The following MAP2K4 variants were observed in gnomAD, a reference collection of about 807,000 sequenced individuals.
MAP2K4 encodes the protein dual specificity mitogen-activated protein kinase kinase 4.
Under a neutral mutation model 48.5 loss-of-function variants are expected in MAP2K4, and 4 were observed. That is an observed-to-expected ratio of 0.08 (90% CI 0.04 to 0.19). The LOEUF (loss-of-function observed/expected upper bound fraction) is 0.19. MAP2K4 is among the 10% of genes least tolerant of loss of function. The probability of loss-of-function intolerance (pLI) is 1.00; values close to 1 mark genes in which losing one functional copy is unlikely to be tolerated. For synonymous variants in MAP2K4, 166 were observed against 173.1 expected (o/e 0.96, Z 0.32); for missense variants, 258 against 493.3 (o/e 0.52, Z 4.52).
At chr17:12,077,523 A>G (rs977292682) in intron 2 of MAP2K4, among the ~76,000 whole-genome samples, 17 of 152,192 alleles carry the variant, frequency 1.1e-4, no homozygotes, top group Non-Finnish European at 1.2e-4. Context: ...CTTCACTGTT[A>G]TTGGAGTCAA....
At position 12,031,723 on chromosome 17, in the gene MAP2K4, T is replaced by C. The variant is rs543262891; in HGVS notation, c.115+10722T>C. Reference sequence around the variant, plus strand: ...ACACTATCTTATTTTTTCAGGCCTATTTTAGAAGAATTTCAGCCCCTCTTC... The same window carrying C: ...ACACTATCTTATTTTTTCAGGCCTACTTTAGAAGAATTTCAGCCCCTCTTC... On this transcript the variant is annotated intron_variant, in intron 1 of 10. Coordinates refer to ENST00000353533, the MANE Select transcript of MAP2K4 (RefSeq NM_003010.4). 2.8e-4 allele frequency among the ~76,000 whole-genome samples: 43 copies of C among 152,298 alleles called. 1 individual carries two copies. Among genetic ancestry groups the C allele is most frequent in the African/African-American group, 1.0e-3 (42 of 41,566 alleles).
At chr17:12,073,963 G>A (rs28918129) in intron 2 of MAP2K4, among the ~76,000 whole-genome samples, 34,240 of 151,586 alleles carry the variant, frequency 0.23, 4,039 homozygotes, top group Middle Eastern at 0.26. Context: ...TAGTAGAGAC[G>A]GGGGTTCACC....
chr17:12,067,626 G>A (rs1970659887), intron 2 of MAP2K4, among the ~76,000 whole-genome samples: 1 of 152,202 alleles, frequency 6.6e-6, no homozygotes, highest in Admixed American at 6.5e-5. Context: ...ATGGATGCCA[G>A]AAAAGGGGAA....
chr17:12,074,342 T>G (rs780044254), intron 2 of MAP2K4, among the ~76,000 whole-genome samples: 10 of 152,162 alleles, frequency 6.6e-5, no homozygotes, highest in Non-Finnish European at 1.2e-4. Context: ...GATGGCTGTT[T>G]TTGTATTTTC....
chr17:12,073,421 C>G (rs777298915), intron 2 of MAP2K4, among the ~76,000 whole-genome samples: 6 of 152,100 alleles, frequency 3.9e-5, no homozygotes, highest in Non-Finnish European at 8.8e-5. Context: ...GTCCAGAATA[C>G]AGTATTAGAG....
chr17:12,095,927 G>GTGTGTGTGTGTA (rs919908493), intron 4 of MAP2K4, among the ~76,000 whole-genome samples: 66 of 143,836 alleles, frequency 4.6e-4, no homozygotes, highest in African/African-American at 1.5e-3. Flanking sequence ...GTGTGTGTGT[G>GTGTGTGTGTGTA]TATTTTAGTA....
At chr17:12,107,081 A>G (rs1037713497) in intron 4 of MAP2K4, among the ~76,000 whole-genome samples, 2 of 152,156 alleles carry the variant, frequency 1.3e-5, no homozygotes, top group Admixed American at 1.3e-4. Context: ...ATAATGCAAG[A>G]AATGTTTGAA....
intron 1 of MAP2K4, among the ~76,000 whole-genome samples, chr17:12,045,812 G>A (rs1293918352): frequency 6.6e-6 from 1 of 152,164 alleles, no homozygotes; most frequent in African/African-American, 2.4e-5. Context: ...TGATCAATTT[G>A]GGTTTGTGTC....
intron 2 of MAP2K4, among the ~76,000 whole-genome samples, chr17:12,056,935 C>A (rs1311325615): frequency 2.0e-5 from 3 of 151,992 alleles, no homozygotes; most frequent in African/African-American, 4.8e-5. Flanking sequence ...TTTCCTTGAA[C>A]TTTAATAATT....
At chr17:12,088,548 C>CAATATATATTAAATATATA (rs1971451087) in intron 3 of MAP2K4, among the ~76,000 whole-genome samples, 1 of 130,148 alleles carries the variant, frequency 7.7e-6, no homozygotes, top group Non-Finnish European at 1.6e-5. Context: ...TAAATTATAT[C>CAATATATATTAAATATATA]TAATATATAA....
At chr17:12,021,055 C>T (rs2151501172) in intron 1 of MAP2K4, 54 bp downstream of exon 1, 1 of 1,088,688 alleles carries the variant, frequency 9.2e-7, no homozygotes, top group Non-Finnish European at 1.2e-6. Context: ...CAACCCGCGT[C>T]GTCGCGGCCT....
At position 12,110,435 on chromosome 17, in the gene MAP2K4, G is replaced by A; in HGVS notation, c.685+9G>A. ...GAAAATTATTCACAGAGGTGGGTATGGATTGGTATTTTTTGTAATAGAAAT... is the reference window on the plus strand; with the variant it reads ...GAAAATTATTCACAGAGGTGGGTATAGATTGGTATTTTTTGTAATAGAAAT... On this transcript the variant is annotated intron_variant, in intron 6 of 10. Coordinates refer to ENST00000353533, the MANE Select transcript of MAP2K4 (RefSeq NM_003010.4). The A allele has an allele frequency of 1.3e-6, 2 of 1,590,826 alleles. No homozygotes were observed. The highest frequency in any genetic ancestry group is 1.7e-6 in the Non-Finnish European group (2 of 1,162,726).
At chr17:12,028,206 T>G (rs1310807901) in intron 1 of MAP2K4, among the ~76,000 whole-genome samples, 1 of 152,188 alleles carries the variant, frequency 6.6e-6, no homozygotes, top group Non-Finnish European at 1.5e-5. Context: ...CATTTAATTT[T>G]GTGGCCAAAG....
chr17:12,115,084 G>A (rs1417871146), intron 7 of MAP2K4, among the ~76,000 whole-genome samples: 1 of 152,118 alleles, frequency 6.6e-6, no homozygotes, highest in Non-Finnish European at 1.5e-5. Context: ...CCTATTGGAG[G>A]TATATCATTT....
intron 2 of MAP2K4, 88 bp downstream of exon 2, chr17:12,055,079 A>C: frequency 1.3e-6 from 1 of 759,826 alleles, no homozygotes; most frequent in Non-Finnish European, 2.2e-6. Context: ...ATGAGATGTC[A>C]GTATAATTTC....
At chr17:12,131,890 T>A (rs1973037622) in intron 9 of MAP2K4, among the ~76,000 whole-genome samples, 1 of 152,120 alleles carries the variant, frequency 6.6e-6, no homozygotes, top group Admixed American at 6.5e-5. Flanking sequence ...GTAAAACACT[T>A]ATGAAAAATA....
At position 12,098,255 on chromosome 17, in the gene MAP2K4, G is replaced by A. The variant is rs550383355; in HGVS notation, c.513+2561G>A. On this transcript the variant is annotated intron_variant, in intron 4 of 10. Transcript: ENST00000353533. ...AGCACTTCAGGAGGCCGAGGTGGGC[G>A]GATCACGAGGTCAGGAGCCCGAGAC... 2.9e-3 allele frequency among the ~76,000 whole-genome samples: 436 copies of A among 152,140 alleles called. 2 individuals carry two copies. Among genetic ancestry groups the A allele is most frequent in the African/African-American group, 6.7e-3 (277 of 41,516 alleles).
rs554421378 is a variant in MAP2K4, at chr17:12,090,448, G to T, written c.394-5127G>T. ...AAGGACCACTATCAGAATCAGCCAG[G>T]TATTTATTGAGCATCTAGGCACAAT... On this transcript the variant is annotated intron_variant, in intron 3 of 10. Coordinates refer to ENST00000353533, the MANE Select transcript of MAP2K4 (RefSeq NM_003010.4). Among the ~76,000 whole-genome samples the T allele has an allele frequency of 2.0e-4, 30 of 152,264 alleles. No individual in the cohort carries two copies. The South Asian group carries it at 3.5e-3, about 18-fold the overall frequency.
At chr17:12,097,015 C>T (rs1438351121) in intron 4 of MAP2K4, among the ~76,000 whole-genome samples, 2 of 152,100 alleles carry the variant, frequency 1.3e-5, no homozygotes, top group Admixed American at 6.5e-5. Flanking sequence ...ATCAGCATTC[C>T]GTTACATCAG....
Sources: gnomAD v4.1 joint callset for allele counts (sites outside exome capture counted in the v4.1 genomes callset) on GRCh38, gnomAD v4.1.1 for gene constraint, MANE v1.5 for transcripts, NCBI Gene and HGNC (gene_info 2026-07-23, HGNC 2026-07-21) for gene names.